Variants in PRELID2 observed in about 807,000 individuals in gnomAD.
PRELID2 encodes PRELI domain containing 2, also known as PRELI domain-containing protein 2.
PRELID2 carries 25 observed loss-of-function variants against 28.4 expected under a neutral mutation model. The ratio of observed to expected loss-of-function variants is 0.88; its 90% CI spans 0.64 to 1.23. The LOEUF is 1.23. Ranked by LOEUF, PRELID2 falls within the 50% of genes most tolerant of loss-of-function variation. PRELID2 has a pLI of 0.00. For missense variants in PRELID2, 201 were observed against 214.4 expected, an observed-to-expected ratio of 0.94 and a Z score of 0.39; for synonymous variants, 76 against 71.6, an observed-to-expected ratio of 1.06 and a Z score of -0.31.
chr5:145,568,018 T>C (rs750628318), intron 1 of PRELID2, among the ~76,000 whole-genome samples: 4 of 152,176 alleles, frequency 2.6e-5, no homozygotes, highest in Non-Finnish European at 5.9e-5. Context: ...TTCTGGACGA[T>C]ACTGGGCCTT....
intron 1 of PRELID2, among the ~76,000 whole-genome samples, chr5:145,485,395 G>A (rs1417978021): frequency 6.6e-6 from 1 of 152,148 alleles, no homozygotes; most frequent in Non-Finnish European, 1.5e-5. Flanking sequence ...AGAGATATTG[G>A]CATACTACTA....
At chr5:145,402,882 G>C in the PRELID2 span, among the ~76,000 whole-genome samples, 4 of 152,152 alleles carry the variant, frequency 2.6e-5, no homozygotes, top group Non-Finnish European at 4.4e-5. Context: ...TGAATGAGCA[G>C]CAAAGGATTC....
chr5:145,833,797 C>T (rs1449967282), intron 1 of PRELID2, among the ~76,000 whole-genome samples: 2 of 152,214 alleles, frequency 1.3e-5, no homozygotes, highest in Admixed American at 6.5e-5. Context: ...TTCAATGTCC[C>T]GTGGCTGCTA....
rs191782171 is a variant in PRELID2 at position 145,729,664 on chromosome 5, G to A, written n.70+35267C>T. 3.3e-3 allele frequency among the ~76,000 whole-genome samples: 501 copies of A among 152,322 alleles called. 1 individual carries two copies. Among genetic ancestry groups the A allele is most frequent in the African/African-American group, 0.01 (427 of 41,570 alleles). ...TTCTTTCAGTCATCCTTGGGTGTCC[G>A]TTGACGATGCGTCCTCTGCTTTTAC... is the stretch of plus-strand genomic sequence containing the variant. On this transcript the variant is annotated intron_variant and non_coding_transcript_variant, in intron 1 of 2. Transcript: ENST00000510259.
chr5:145,798,445 C>T (rs1752908167), intron 4 of PRELID2, among the ~76,000 whole-genome samples: 1 of 152,164 alleles, frequency 6.6e-6, no homozygotes. Flanking sequence ...TTAGTTCAAC[C>T]ATTGTGGAAG....
the PRELID2 span, chr5:145,229,531 C>T: frequency 6.8e-7 from 1 of 1,465,412 alleles, no homozygotes; most frequent in Non-Finnish European, 9.4e-7. Context: ...TGACCAGCGT[C>T]AAGGATGGCA....
In PRELID2 at chr5:145,555,197, A is replaced by G. The variant is rs115426369; in HGVS notation, n.71-81882T>C. On this transcript the variant is annotated intron_variant and non_coding_transcript_variant, in intron 1 of 2. Coordinates refer to the PRELID2 transcript ENST00000510259. ...AGCAGTGTCCATCAAAGTGTGATCCATGAACCACTTGTATCAAATTTAGGT... is the reference window on the plus strand; with the variant it reads ...AGCAGTGTCCATCAAAGTGTGATCCGTGAACCACTTGTATCAAATTTAGGT... Among the ~76,000 whole-genome samples the G allele has an allele frequency of 8.3e-3, 1,272 of 152,348 alleles. 7 individuals carry two copies. Among genetic ancestry groups the G allele is most frequent in the African/African-American group, 0.01 (418 of 41,588 alleles).
At chr5:145,627,033 G>C (rs1753856172) in intron 1 of PRELID2, among the ~76,000 whole-genome samples, 1 of 135,210 alleles carries the variant, frequency 7.4e-6, no homozygotes, top group South Asian at 2.5e-4. Context: ...CCGGGAGGCA[G>C]AGGTTGCAAT....
intron 1 of PRELID2, among the ~76,000 whole-genome samples, chr5:145,708,650 G>A (rs554531390): frequency 6.6e-6 from 1 of 152,106 alleles, no homozygotes; most frequent in Admixed American, 6.6e-5. Context: ...ACAAAAGCTA[G>A]AAGATGTGTT....
chr5:145,389,872 A>C, the PRELID2 span, among the ~76,000 whole-genome samples: 1 of 152,228 alleles, frequency 6.6e-6, no homozygotes, highest in Non-Finnish European at 1.5e-5. Flanking sequence ...AATTTATATC[A>C]GACCAAAGTG....
the PRELID2 span, among the ~76,000 whole-genome samples, chr5:145,413,611 T>TACACACACACACACAC: frequency 1.4e-5 from 2 of 140,062 alleles, no homozygotes; most frequent in African/African-American, 5.3e-5. Flanking sequence ...ATGAAGAAAA[T>TACACACACACACACAC]ACACACACAC....
chr5:145,607,142 TA>T (rs1042928192), intron 1 of PRELID2, among the ~76,000 whole-genome samples: 1 of 152,142 alleles, frequency 6.6e-6, no homozygotes, highest in African/African-American at 2.4e-5. Flanking sequence ...TTTTTTACTT[TA>T]TTAGACCAGA....
intron 1 of PRELID2, among the ~76,000 whole-genome samples, chr5:145,831,082 A>G (rs1431875859): frequency 6.6e-6 from 1 of 152,228 alleles, no homozygotes; most frequent in Non-Finnish European, 1.5e-5. Flanking sequence ...TGAAAGAAAA[A>G]TAAAAGTGTA....
chr5:145,716,237 C>T (rs537727175), intron 1 of PRELID2, among the ~76,000 whole-genome samples: 9 of 152,208 alleles, frequency 5.9e-5, no homozygotes, highest in African/African-American at 1.7e-4. Flanking sequence ...GTATATGTAG[C>T]GACTAGAATA....
At chr5:145,796,691 G>T in intron 4 of PRELID2, 144 bp from the exon 5 acceptor site, 1 of 433,104 alleles carries the variant, frequency 2.3e-6, no homozygotes, top group Non-Finnish European at 4.0e-6. Context: ...ATTATAAGAA[G>T]ATTTTGTTAA....
intron 1 of PRELID2, among the ~76,000 whole-genome samples, chr5:145,546,458 A>G (rs541498460): frequency 6.6e-6 from 1 of 152,302 alleles, no homozygotes; most frequent in South Asian, 2.1e-4. Flanking sequence ...CCCCCTTCCA[A>G]GATGTACACT....
chr5:145,409,518 G>A, the PRELID2 span, among the ~76,000 whole-genome samples: 5 of 152,122 alleles, frequency 3.3e-5, no homozygotes, highest in African/African-American at 1.2e-4. Context: ...TAAGGCAAAG[G>A]GGTGGAAAAA....
At chr5:145,722,647 G>A (rs1756023074) in intron 1 of PRELID2, among the ~76,000 whole-genome samples, 1 of 152,002 alleles carries the variant, frequency 6.6e-6, no homozygotes, top group Non-Finnish European at 1.5e-5. Flanking sequence ...TACAGGCACA[G>A]CACTACAATG....
the PRELID2 span, among the ~76,000 whole-genome samples, chr5:145,374,480 G>GTATC: frequency 6.6e-6 from 1 of 152,008 alleles, no homozygotes; most frequent in Non-Finnish European, 1.5e-5. Flanking sequence ...TTCTCATGGA[G>GTATC]TATCTTAGTG....
Sources: allele counts gnomAD v4.1 joint callset (sites outside exome capture counted in the v4.1 genomes callset), GRCh38; gene constraint gnomAD v4.1.1; transcripts MANE v1.5; gene names NCBI Gene and HGNC (gene_info 2026-07-23, HGNC 2026-07-21).